The following ALG3 variants were observed in gnomAD, a reference collection of about 807,000 sequenced individuals.
The protein encoded by ALG3 is ALG3 alpha-1,3- mannosyltransferase.
In ALG3, 39 loss-of-function variants were observed where a neutral mutation model predicts 50.5. The ratio of observed to expected loss-of-function variants is 0.77; its 90% CI spans 0.60 to 1.01. The LOEUF is 1.01. Among genes scored for constraint, ALG3 ranks in the 50% least tolerant of loss-of-function variants. ALG3 has a pLI of 0.00. For missense variants in ALG3, 520 were observed against 554.8 expected (o/e 0.94, Z 0.63); for synonymous variants, 252 against 237.2 (o/e 1.06, Z -0.58).
chr3:184,248,712 T>C, intron 1 of ALG3, 33 bp downstream of exon 1: 22 of 678,984 alleles, frequency 3.2e-5, no homozygotes, highest in Non-Finnish European at 4.5e-5. Flanking sequence ...CAGGTCTCCC[T>C]CCCTCCCCTC....
intron 1 of ALG3, among the ~76,000 whole-genome samples, chr3:184,246,981 T>C (rs909061285): frequency 3.3e-5 from 5 of 152,224 alleles, no homozygotes; most frequent in Non-Finnish European, 5.9e-5. Flanking sequence ...CTCAGCTCAC[T>C]GCAACCACCA....
At position 184,242,790 on chromosome 3, in the gene ALG3, C is replaced by T. The variant is rs757450301; in HGVS notation, c.1154+23G>A. 4 of 1,613,068 alleles carry T rather than the reference C, an allele frequency of 2.5e-6. No homozygotes were observed. In the South Asian group the frequency reaches 4.4e-5, roughly 18 times the overall value. ...AGGAACTCCCTATCCCTTCCCACTC[C>T]CCCAGGTTGTCCCAGCTGGTACCTG... is the stretch of plus-strand genomic sequence containing the variant. On this transcript the variant is annotated intron_variant, in intron 8 of 8. Coordinates refer to ENST00000397676, the MANE Select transcript of ALG3 (RefSeq NM_005787.6).
chr3:184,245,761 T>C lies in ALG3; in HGVS notation c.248A>G (p.Asn83Ser), dbSNP rs199565095. 1.9e-4 allele frequency: 310 copies of C among 1,613,832 alleles called. No homozygotes were observed. The highest frequency in any genetic ancestry group is 1.1e-3 in the South Asian group (96 of 91,058). Residue 83 changes from asparagine to serine, a missense_variant, in exon 2 of 9, where the codon AAT becomes AGT. Asn to Ser is a conservative substitution (Grantham distance 46). Transcript: ENST00000397676. ...CAGTTGGGTATAGTCATAGGTACCATTGATGACGCCTTCTACCTCGGCCAT... is the reference window on the plus strand; with the variant it reads ...CAGTTGGGTATAGTCATAGGTACCACTGATGACGCCTTCTACCTCGGCCAT... ...AYMAEVEGVINGTYDYTQLQG... is the reference protein window; with the variant it reads ...AYMAEVEGVISGTYDYTQLQG...
intron 1 of ALG3, among the ~76,000 whole-genome samples, chr3:184,248,351 C>T (rs1719292761): frequency 6.6e-6 from 1 of 152,116 alleles, no homozygotes; most frequent in African/African-American, 2.4e-5. Context: ...CACAAGATGC[C>T]ATCATTGAGA....
intron 1 of ALG3, among the ~76,000 whole-genome samples, chr3:184,247,623 CCT>C (rs1318968614): frequency 6.6e-6 from 1 of 151,806 alleles, no homozygotes; most frequent in Non-Finnish European, 1.5e-5. Context: ...AATAGAGGAT[CCT>C]CTGTCCACAG....
chr3:184,246,899 G>GGTTT (rs376638955), intron 1 of ALG3, among the ~76,000 whole-genome samples: 68 of 151,944 alleles, frequency 4.5e-4, no homozygotes, highest in African/African-American at 1.5e-3. Context: ...TGGCCAGGCT[G>GGTTT]GTTTGTTTGT....
chr3:184,243,882 C>T lies in ALG3; in HGVS notation c.841G>A (p.Glu281Lys). Reference sequence around the variant, plus strand: ...AAGGCTCGATGCAGGAAGAGCGCCTCTGGGAGGAAGCGCCAGTTCACTGTC... The same window carrying T: ...AAGGCTCGATGCAGGAAGAGCGCCTTTGGGAGGAAGCGCCAGTTCACTGTC... ...HWTVNWRFLP[E>K]ALFLHRAFHL... The change falls in exon 6 of 9, where the codon GAG becomes AAG. Residue 281 changes from glutamate (E) to lysine (K), a missense_variant. By Grantham distance (56) the Glu-to-Lys change is moderately conservative (BLOSUM62 1). This residue lies in a region of ALG3 where 224 missense variants were observed against 272.8 expected (regional missense o/e 0.82). Transcript: ENST00000397676. The T allele has an allele frequency of 6.2e-7, 1 of 1,613,956 alleles. No individual in the cohort carries two copies. Among genetic ancestry groups the T allele is most frequent in the Non-Finnish European group, 8.5e-7 (1 of 1,179,884 alleles).
intron 1 of ALG3, among the ~76,000 whole-genome samples, chr3:184,248,452 G>GCAC (rs2108444661): frequency 6.6e-6 from 1 of 152,220 alleles, no homozygotes; most frequent in South Asian, 2.1e-4. Context: ...GAGAAAAGCA[G>GCAC]CAGCAGCAGC....
At chr3:184,247,971 G>A (rs531111021) in intron 1 of ALG3, among the ~76,000 whole-genome samples, 4 of 149,846 alleles carry the variant, frequency 2.7e-5, no homozygotes, top group Non-Finnish European at 4.4e-5. Context: ...TCAGCCTCCC[G>A]AGTAGCTGGG....
chr3:184,248,322 C>T (rs941584558), intron 1 of ALG3, among the ~76,000 whole-genome samples: 8 of 152,124 alleles, frequency 5.3e-5, no homozygotes, highest in African/African-American at 1.9e-4. Context: ...GCCAATAATG[C>T]CTAATGGACT....
chr3:184,245,298 C>T lies in ALG3; in HGVS notation c.505G>A (p.Val169Met), dbSNP rs765473601. 11 of 1,613,312 alleles carry T rather than the reference C, an allele frequency of 6.8e-6. No individual in the cohort carries two copies. Among genetic ancestry groups the T allele is most frequent in the Middle Eastern group, 1.6e-4 (1 of 6,082 alleles). The stretch of plus-strand genomic sequence containing the variant: ...ACTGGGTCATTGAAGAGCCGCAGCA[C>T]AAAGATGGAGTGGACACGGTAAGAG... ...CASYRVHSIF[V>M]LRLFNDPVAM... Residue 169 changes from valine to methionine, a missense_variant, in exon 4 of 9, where the codon GTG (valine) becomes ATG (methionine). Transcript: ENST00000397676.
chr3:184,248,972 AC>A (rs1230296953), upstream of ALG3: 2 of 1,547,708 alleles, frequency 1.3e-6, no homozygotes, highest in Admixed American at 1.9e-5. Flanking sequence ...TGGGCCCACC[AC>A]CCCCGGAAAC....
At chr3:184,248,994 G>A (rs532389401), upstream of ALG3, 61 of 1,544,082 alleles carry the variant, frequency 4.0e-5, no homozygotes, top group African/African-American at 7.0e-4. Context: ...CCGAACCTTC[G>A]ACACTTAGGT....
In ALG3 at chr3:184,242,831, C is replaced by T. The variant is rs1718895735; in HGVS notation, c.1136G>A (p.Trp379Ter). Residue 379 changes from tryptophan to a stop codon, truncating the protein, a stop_gained, in exon 8 of 9, where the codon TGG becomes TAG. Coordinates refer to ENST00000397676, the MANE Select transcript of ALG3 (RefSeq NM_005787.6). LOFTEE classifies it high-confidence loss of function. Reference protein sequence around the residue: ...PYLLWAMPARWLTHLLRLLVL... With the variant: ...PYLLWAMPAR The stretch of plus-strand genomic sequence containing the variant: ...CTGGTACCTGAGCAGGTGTGTGAGC[C>T]AGCGTGCAGGCATGGCCCACAGGAG... 1.2e-6 allele frequency: 2 copies of T among 1,613,798 alleles called. No individual in the cohort carries two copies. The highest frequency in any genetic ancestry group is 1.3e-5 in the African/African-American group (1 of 74,952).
chr3:184,244,590 G>A lies in ALG3; in HGVS notation c.726+11C>T, dbSNP rs186346848. 1.2e-6 allele frequency: 2 copies of A among 1,606,550 alleles called. No individual in the cohort carries two copies. Among genetic ancestry groups the A allele is most frequent in the Non-Finnish European group, 1.7e-6 (2 of 1,176,718 alleles). On this transcript the variant is annotated intron_variant, in intron 5 of 8. Coordinates refer to ENST00000397676, the MANE Select transcript of ALG3 (RefSeq NM_005787.6). ...CCTTGATTAGAAAGAGGAAGGGTGAGATGGGGGTACCTGAAGGCCAGCACA... is the reference window on the plus strand; with the variant it reads ...CCTTGATTAGAAAGAGGAAGGGTGAAATGGGGGTACCTGAAGGCCAGCACA...
At chr3:184,244,032 G>A (rs1478022739) in intron 5 of ALG3, 36 bp from the exon 6 acceptor site, 1 of 1,591,770 alleles carries the variant, frequency 6.3e-7, no homozygotes, top group African/African-American at 1.3e-5. Context: ...AGCTGCCAAG[G>A]CTCATTCCCA....
chr3:184,244,777 A>G, intron 4 of ALG3, 56 bp from the exon 5 acceptor site: 1 of 1,569,242 alleles, frequency 6.4e-7, no homozygotes, highest in Non-Finnish European at 8.6e-7. Context: ...CATGCACACA[A>G]CACCCAAAGA....
At chr3:184,244,222 C>T in intron 5 of ALG3, 1 of 574,630 alleles carries the variant, frequency 1.7e-6, no homozygotes, top group Non-Finnish European at 3.1e-6. Context: ...GGTGTGGATT[C>T]ACCAAGTCAT....
intron 1 of ALG3, 33 bp downstream of exon 1, chr3:184,248,712 T>TGCC: frequency 9.3e-5 from 63 of 678,916 alleles, no homozygotes; most frequent in Non-Finnish European, 9.8e-5. Context: ...CAGGTCTCCC[T>TGCC]CCCTCCCCTC....
Sources: gnomAD v4.1 joint callset for allele counts (sites outside exome capture counted in the v4.1 genomes callset) on GRCh38, gnomAD v4.1.1 for gene constraint, gnomAD v4.1.1 regional missense constraint, MANE v1.5 for transcripts, NCBI Gene and HGNC (gene_info 2026-07-23, HGNC 2026-07-21) for gene names.